The following DPP8 variants were observed in gnomAD, a reference collection of about 807,000 sequenced individuals.
DPP8 encodes the protein dipeptidyl peptidase 8, also known as DPP VIII.
DPP8 carries 31 observed loss-of-function variants against 107.5 expected under a neutral mutation model. The observed-to-expected ratio is 0.29, with a 90% confidence interval of 0.22 to 0.39. The LOEUF is 0.39. DPP8 is among the 10% of genes least tolerant of loss of function. The pLI is 1.00. For missense variants in DPP8, 842 were observed against 1,076.1 expected, an observed-to-expected ratio of 0.78 and a Z score of 3.04; for synonymous variants, 381 against 356.6, an observed-to-expected ratio of 1.07 and a Z score of -0.77.
intron 1 of DPP8, among the ~76,000 whole-genome samples, chr15:65,514,741 AC>A (rs1158390934): frequency 6.6e-6 from 1 of 152,072 alleles, no homozygotes; most frequent in Non-Finnish European, 1.5e-5. Context: ...TGAACTCCTG[AC>A]CTCATGATCC....
chr15:65,474,446 T>A (rs1054619872), intron 11 of DPP8, among the ~76,000 whole-genome samples, 158 bp from the exon 12 acceptor site: 1 of 152,218 alleles, frequency 6.6e-6, no homozygotes, highest in Non-Finnish European at 1.5e-5. Context: ...CACAGCATTG[T>A]GAATGTACTA....
At chr15:65,468,579 T>C (rs1197998824) in intron 12 of DPP8, among the ~76,000 whole-genome samples, 2 of 152,190 alleles carry the variant, frequency 1.3e-5, no homozygotes, top group Admixed American at 6.5e-5. Flanking sequence ...AAATGCCTTT[T>C]TTCCCCCCAG....
intron 8 of DPP8, 95 bp downstream of exon 8, chr15:65,485,004 C>G (rs772187714): frequency 1.0e-6 from 1 of 975,026 alleles, no homozygotes; most frequent in African/African-American, 1.7e-5. Flanking sequence ...GCAAGTTCAG[C>G]AAGTCCAAAA....
chr15:65,472,311 GAGCCAGA>G (rs909992922), intron 12 of DPP8, among the ~76,000 whole-genome samples: 1 of 151,542 alleles, frequency 6.6e-6, no homozygotes, highest in African/African-American at 2.4e-5. Context: ...GGTTTTTTTT[GAGCCAGA>G]GTATCACTGT....
intron 12 of DPP8, among the ~76,000 whole-genome samples, chr15:65,467,857 C>A (rs760694986): frequency 6.6e-6 from 1 of 152,116 alleles, no homozygotes; most frequent in African/African-American, 2.4e-5. Context: ...CAGCTTAGGG[C>A]AATCATTCAT....
rs1431362071 is a variant in DPP8, at chr15:65,445,268, G to C, written c.*1616C>G. On this transcript the variant is annotated 3_prime_UTR_variant, in exon 20 of 20. Transcript: ENST00000300141. ...CTCTATGGGGAAATCTACTCTCTCT[G>C]TAGTGATGAGAAAGAAATATAGCAA... The C allele has an allele frequency of 1.3e-5, 2 of 152,172 alleles. No individual in the cohort carries two copies. Among genetic ancestry groups the C allele is most frequent in the Non-Finnish European group, 2.9e-5 (2 of 68,034 alleles). The allele number at this position is 152,172 out of a possible 1,614,324, so 9.4% of individuals were successfully genotyped here.
intron 19 of DPP8, among the ~76,000 whole-genome samples, chr15:65,447,874 C>T (rs1435634322): frequency 6.6e-6 from 1 of 152,168 alleles, no homozygotes; most frequent in Non-Finnish European, 1.5e-5. Context: ...AATACTTAGA[C>T]ACTTTTCCGA....
chr15:65,448,217 T>A (rs2063613929), intron 19 of DPP8, among the ~76,000 whole-genome samples: 1 of 151,458 alleles, frequency 6.6e-6, no homozygotes. Context: ...AGACTCTATT[T>A]AAAAAAAATA....
chr15:65,464,475 A>C (rs1028695200), intron 14 of DPP8, among the ~76,000 whole-genome samples: 1 of 152,152 alleles, frequency 6.6e-6, no homozygotes, highest in Non-Finnish European at 1.5e-5. Flanking sequence ...TGAGCCCAAG[A>C]GTTTGTGACC....
intron 9 of DPP8, 60 bp downstream of exon 9, chr15:65,481,455 A>G (rs565306583): frequency 8.3e-7 from 1 of 1,204,810 alleles, no homozygotes; most frequent in African/African-American, 1.6e-5. Context: ...AATAGCACAA[A>G]TATTCCAAAG....
intron 15 of DPP8, among the ~76,000 whole-genome samples, chr15:65,457,429 A>G (rs1399091521): frequency 6.6e-6 from 1 of 151,928 alleles, no homozygotes; most frequent in Non-Finnish European, 1.5e-5. Flanking sequence ...CAGTGGTACA[A>G]TCATAGCTCA....
chr15:65,489,842 C>T lies in DPP8; in HGVS notation c.826+347G>A, dbSNP rs538076545. Reference sequence around the variant, plus strand: ...AGGCGATTCTCCTGCTTCAGCCTCCCGCGTAGCTGGGATTACAGGCGCGTG... The same window carrying T: ...AGGCGATTCTCCTGCTTCAGCCTCCTGCGTAGCTGGGATTACAGGCGCGTG... On this transcript the variant is annotated intron_variant, in intron 6 of 19. Coordinates refer to ENST00000300141, the MANE Select transcript of DPP8 (RefSeq NM_130434.5). Among the ~76,000 whole-genome samples the T allele has an allele frequency of 3.9e-5, 6 of 152,170 alleles. No homozygotes were observed. The East Asian group carries it at 5.8e-4, about 15-fold the overall frequency.
chr15:65,505,361 A>T (rs1296344272), intron 3 of DPP8, among the ~76,000 whole-genome samples: 6 of 152,180 alleles, frequency 3.9e-5, no homozygotes, highest in African/African-American at 1.4e-4. Context: ...TCTCAAAAAA[A>T]AAAAAAATAG....
chr15:65,488,910 CAG>C (rs1383982047), intron 6 of DPP8, among the ~76,000 whole-genome samples: 5 of 152,148 alleles, frequency 3.3e-5, no homozygotes, highest in Admixed American at 2.6e-4. Flanking sequence ...ATCTGTTTAA[CAG>C]ACTCTCTAGT....
At chr15:65,514,867 A>G (rs1036571995) in intron 1 of DPP8, among the ~76,000 whole-genome samples, 1 of 152,162 alleles carries the variant, frequency 6.6e-6, no homozygotes, top group African/African-American at 2.4e-5. Context: ...GAACCTATAC[A>G]AACTGGGCTC....
At position 65,443,522 on chromosome 15, in the gene DPP8, A is replaced by G. The variant is rs772671855; in HGVS notation, c.*3362T>C. 1 of 152,238 alleles carries G rather than the reference A, an allele frequency of 6.6e-6. No individual in the cohort carries two copies. Among genetic ancestry groups the G allele is most frequent in the Non-Finnish European group, 1.5e-5 (1 of 68,048 alleles). 9.4% of individuals were successfully genotyped at this position (152,238 alleles called of 1,614,324 possible). On this transcript the variant is annotated 3_prime_UTR_variant, in exon 20 of 20. Transcript: ENST00000300141. ...AAAAAAAAAGTAAGCATCGGTATCA[A>G]TATCGCATTCTTTTAAAAGGTAATG...
chr15:65,501,489 T>C (rs546794507), intron 3 of DPP8, among the ~76,000 whole-genome samples: 101 of 152,340 alleles, frequency 6.6e-4, no homozygotes, highest in African/African-American at 2.4e-3. Context: ...CTTGAGAAAG[T>C]AGCTTAATTT....
intron 15 of DPP8, among the ~76,000 whole-genome samples, chr15:65,457,771 G>T (rs190521930): frequency 6.6e-6 from 1 of 151,974 alleles, no homozygotes; most frequent in African/African-American, 2.4e-5. Context: ...GGAAGAGGGC[G>T]TTTGGTGAGT....
At chr15:65,456,487 T>A in intron 15 of DPP8, 116 bp from the exon 16 acceptor site, 1 of 1,040,926 alleles carries the variant, frequency 9.6e-7, no homozygotes, top group Non-Finnish European at 1.3e-6. Flanking sequence ...CTTTAAAATG[T>A]AATTTTTTAA....
Sources: allele counts gnomAD v4.1 joint callset (sites outside exome capture counted in the v4.1 genomes callset), GRCh38; gene constraint gnomAD v4.1.1; transcripts MANE v1.5; gene names NCBI Gene and HGNC (gene_info 2026-07-23, HGNC 2026-07-21).